The following PPP3CA variants were observed in gnomAD, a reference collection of about 807,000 sequenced individuals.
The protein encoded by PPP3CA is protein phosphatase 3 catalytic subunit alpha.
Under a neutral mutation model 66.5 loss-of-function variants are expected in PPP3CA, and 14 were observed. The ratio of observed to expected loss-of-function variants is 0.21; its 90% CI spans 0.14 to 0.33. The LOEUF (loss-of-function observed/expected upper bound fraction) is 0.33, where lower values mean the gene tolerates loss of function less well. Among genes scored for constraint, PPP3CA ranks in the 10% least tolerant of loss-of-function variants. PPP3CA has a pLI of 1.00. For synonymous variants in PPP3CA, 232 were observed against 226.2 expected (o/e 1.03, Z -0.23); for missense variants, 317 against 639.5 (o/e 0.50, Z 5.44).
chr4:101,157,228 C>G (rs1428584095), intron 2 of PPP3CA, among the ~76,000 whole-genome samples: 1 of 152,104 alleles, frequency 6.6e-6, no homozygotes, highest in Non-Finnish European at 1.5e-5. Context: ...ATGCAAAGTA[C>G]CTCCAGGTAA....
chr4:101,259,277 T>C (rs749616321), intron 1 of PPP3CA, among the ~76,000 whole-genome samples: 8 of 152,142 alleles, frequency 5.3e-5, no homozygotes, highest in Non-Finnish European at 5.9e-5. Flanking sequence ...ATCTTACTGC[T>C]AAACACGTTT....
At chr4:101,138,846 A>G (rs1257134428) in intron 2 of PPP3CA, among the ~76,000 whole-genome samples, 1 of 151,920 alleles carries the variant, frequency 6.6e-6, no homozygotes, top group African/African-American at 2.4e-5. Flanking sequence ...CTACATATGC[A>G]TAAGGTTACA....
chr4:101,268,771 C>T (rs1000468491), intron 1 of PPP3CA, among the ~76,000 whole-genome samples: 10 of 152,016 alleles, frequency 6.6e-5, no homozygotes, highest in East Asian at 3.9e-4. Flanking sequence ...AAGACTTCTG[C>T]GCACTCAAGA....
At chr4:101,137,173 T>TA (rs1377568599) in intron 2 of PPP3CA, among the ~76,000 whole-genome samples, 2 of 152,164 alleles carry the variant, frequency 1.3e-5, no homozygotes, top group Non-Finnish European at 2.9e-5. Flanking sequence ...AAAGAAGGGC[T>TA]CAACAAGTAT....
At chr4:101,116,367 A>G (rs929113831) in intron 2 of PPP3CA, among the ~76,000 whole-genome samples, 1 of 151,956 alleles carries the variant, frequency 6.6e-6, no homozygotes, top group Admixed American at 6.6e-5. Flanking sequence ...TCTAATTCTC[A>G]GCATGAGGAG....
At chr4:101,166,766 A>T (rs1296934805) in intron 2 of PPP3CA, among the ~76,000 whole-genome samples, 1 of 152,214 alleles carries the variant, frequency 6.6e-6, no homozygotes, top group African/African-American at 2.4e-5. Context: ...CAAAGCAACA[A>T]CAATATGAAG....
intron 1 of PPP3CA, among the ~76,000 whole-genome samples, chr4:101,282,304 T>C (rs75562815): frequency 0.013 from 1,922 of 152,306 alleles, 42 homozygotes; most frequent in African/African-American, 0.045. Context: ...CTATCCTATC[T>C]GTGAAAACCA....
chr4:101,158,451 C>T (rs1723396032), intron 2 of PPP3CA: 2 of 152,166 alleles, frequency 1.3e-5, no homozygotes, highest in South Asian at 4.1e-4. Context: ...ACTGTTTTTC[C>T]TTTTTAATTT....
intron 1 of PPP3CA, among the ~76,000 whole-genome samples, chr4:101,229,123 C>T (rs1233034707): frequency 2.0e-5 from 3 of 151,584 alleles, no homozygotes; most frequent in African/African-American, 7.3e-5. Flanking sequence ...ATAGGTGCTG[C>T]AGGTGGTACA....
At chr4:101,107,866 T>G (rs1220372801) in intron 3 of PPP3CA, among the ~76,000 whole-genome samples, 2 of 152,202 alleles carry the variant, frequency 1.3e-5, no homozygotes, top group African/African-American at 2.4e-5. Flanking sequence ...CTCTCTTTAA[T>G]TAAGAATAAT....
At chr4:101,308,061 T>C (rs1280591994) in intron 1 of PPP3CA, among the ~76,000 whole-genome samples, 1 of 152,214 alleles carries the variant, frequency 6.6e-6, no homozygotes, top group South Asian at 2.1e-4. Flanking sequence ...CCTTTTCATC[T>C]ATTGGGTGTG....
intron 1 of PPP3CA, among the ~76,000 whole-genome samples, chr4:101,258,951 C>T (rs1726926522): frequency 6.6e-6 from 1 of 152,118 alleles, no homozygotes; most frequent in African/African-American, 2.4e-5. Context: ...GTCAGAAGAC[C>T]TGGTTTCTGC....
intron 10 of PPP3CA, among the ~76,000 whole-genome samples, chr4:101,040,876 T>G (rs1727486652): frequency 6.6e-6 from 1 of 152,234 alleles, no homozygotes; most frequent in East Asian, 1.9e-4. Context: ...CTCTTCCAAT[T>G]GACTTTCCCC....
intron 1 of PPP3CA, among the ~76,000 whole-genome samples, chr4:101,319,112 A>G (rs1728963164): frequency 6.6e-6 from 1 of 151,968 alleles, no homozygotes; most frequent in Admixed American, 6.6e-5. Flanking sequence ...GCCACTTAGA[A>G]AATTTATTAA....
chr4:101,256,936 G>A lies in PPP3CA; in HGVS notation c.59-60820C>T, dbSNP rs185123287. Among the ~76,000 whole-genome samples the A allele has an allele frequency of 8.5e-4, 130 of 152,126 alleles. 1 individual carries two copies. Among genetic ancestry groups the A allele is most frequent in the African/African-American group, 3.0e-3 (126 of 41,546 alleles). The stretch of plus-strand genomic sequence containing the variant: ...ATGCTGTAAAGTAAGTTTTATCATT[G>A]CTATGTGTTTTACGCTTGAAGAAAC... On this transcript the variant is annotated intron_variant, in intron 1 of 13. Coordinates refer to ENST00000394854, the MANE Select transcript of PPP3CA (RefSeq NM_000944.5).
intron 2 of PPP3CA, among the ~76,000 whole-genome samples, chr4:101,159,652 C>T (rs1054414501): frequency 1.3e-5 from 2 of 152,150 alleles, no homozygotes; most frequent in Non-Finnish European, 2.9e-5. Flanking sequence ...AAAACTGATT[C>T]AGAAATCCTC....
rs3077992 is a variant in PPP3CA at position 101,278,122 on chromosome 4, T to TAAAAAAAAAAAAAAAAAAAA, written c.58+68616_58+68617insTTTTTTTTTTTTTTTTTTTT. On this transcript the variant is annotated intron_variant, in intron 1 of 13. Coordinates refer to ENST00000394854, the MANE Select transcript of PPP3CA (RefSeq NM_000944.5). ...AAAATGAAACTTTAAAAGCTATTAGTAAAAAAAAAAAAAAAAATAAAAAAA... is the reference window on the plus strand; with the variant it reads ...AAAATGAAACTTTAAAAGCTATTAGTAAAAAAAAAAAAAAAAAAAAAAAAAAAAAAAAAAAAATAAAAAAA... 6.7e-4 allele frequency among the ~76,000 whole-genome samples: 75 copies of TAAAAAAAAAAAAAAAAAAAA among 112,104 alleles called. 3 individuals are homozygous for TAAAAAAAAAAAAAAAAAAAA. Among genetic ancestry groups the TAAAAAAAAAAAAAAAAAAAA allele is most frequent in the African/African-American group, 2.7e-3 (61 of 22,632 alleles). 73.5% of individuals were successfully genotyped at this position (112,104 alleles called of 152,430 possible).
chr4:101,033,692 T>C (rs922802013), intron 11 of PPP3CA, among the ~76,000 whole-genome samples: 6 of 152,178 alleles, frequency 3.9e-5, no homozygotes, highest in Non-Finnish European at 8.8e-5. Flanking sequence ...TGGTCTTGAA[T>C]ATATTCACAG....
At chr4:101,098,294 C>T (rs1291751751) in intron 5 of PPP3CA, 73 bp downstream of exon 5, 1 of 1,406,588 alleles carries the variant, frequency 7.1e-7, no homozygotes, top group Non-Finnish European at 9.5e-7. Context: ...GTGATAAAGG[C>T]AGGGTAATTA....
Sources: allele counts gnomAD v4.1 joint callset (sites outside exome capture counted in the v4.1 genomes callset), GRCh38; gene constraint gnomAD v4.1.1; transcripts MANE v1.5; gene names NCBI Gene and HGNC (gene_info 2026-07-23, HGNC 2026-07-21).